Variants in CAPN7 observed in about 807,000 individuals in gnomAD.
CAPN7 encodes calpain 7.
A neutral mutation model predicts 115.2 loss-of-function variants in CAPN7; 72 were observed. The observed-to-expected ratio is 0.63, with a 90% confidence interval of 0.52 to 0.76. The LOEUF (loss-of-function observed/expected upper bound fraction) is 0.76, where lower values mean the gene tolerates loss of function less well. CAPN7 is among the 30% of genes least tolerant of loss of function. CAPN7 has a pLI of 0.00. For missense variants in CAPN7, 905 were observed against 971.5 expected, an observed-to-expected ratio of 0.93 and a Z score of 0.91; for synonymous variants, 344 against 322.3, an observed-to-expected ratio of 1.07 and a Z score of -0.72.
At position 15,217,171 on chromosome 3, in the gene CAPN7, C is replaced by T. The variant is rs941521855; in HGVS notation, c.212-254C>T. Among the ~76,000 whole-genome samples, 14 of 151,236 alleles carry T rather than the reference C, an allele frequency of 9.3e-5. No homozygotes were observed. In the South Asian group the frequency reaches 2.1e-3, roughly 23 times the overall value. On this transcript the variant is annotated intron_variant, in intron 2 of 20. Coordinates refer to ENST00000253693, the MANE Select transcript of CAPN7 (RefSeq NM_014296.3). ...CTGAGGTGGGAGAATCTCTTGAGCC[C>T]GAGGAGGTAGAGGCTGCAGTCAGCT...
chr3:15,234,894 C>G, intron 11 of CAPN7, 131 bp from the exon 12 acceptor site: 1 of 607,220 alleles, frequency 1.6e-6, no homozygotes, highest in Non-Finnish European at 2.7e-6. Context: ...AAATGTACTT[C>G]TTTTTGAAAA....
intron 11 of CAPN7, 71 bp downstream of exon 11, chr3:15,234,044 G>C: frequency 1.2e-6 from 1 of 831,102 alleles, no homozygotes; most frequent in South Asian, 1.5e-5. Context: ...GGCTGGGCGT[G>C]GTGGGTCATG....
rs745904353 is a variant in CAPN7, at chr3:15,206,603, G to T, written c.102+6G>T. On this transcript the variant is annotated splice_donor_region_variant and intron_variant, in intron 1 of 20. Coordinates refer to ENST00000253693, the MANE Select transcript of CAPN7 (RefSeq NM_014296.3). The stretch of plus-strand genomic sequence containing the variant: ...AGGCGGTGTTTTATTACAAGGTAGG[G>T]CCGGGCCCGGCGCTTCGGTCGGAGT... The T allele has an allele frequency of 6.5e-7, 1 of 1,540,188 alleles. No homozygotes were observed. Among genetic ancestry groups the T allele is most frequent in the Admixed American group, 2.0e-5 (1 of 50,496 alleles).
intron 19 of CAPN7, 119 bp downstream of exon 19, chr3:15,247,576 T>A: frequency 1.4e-6 from 1 of 710,412 alleles, no homozygotes; most frequent in Non-Finnish European, 2.2e-6. Context: ...AACAATGGCA[T>A]TATAGTGGAG....
At chr3:15,243,537 T>C (rs552683960) in intron 16 of CAPN7, among the ~76,000 whole-genome samples, 1 of 152,238 alleles carries the variant, frequency 6.6e-6, no homozygotes, top group African/African-American at 2.4e-5. Context: ...CCTTGGACTC[T>C]CAGACACCTT....
chr3:15,231,710 A>G (rs1472193450), intron 9 of CAPN7, among the ~76,000 whole-genome samples: 1 of 151,966 alleles, frequency 6.6e-6, no homozygotes, highest in Non-Finnish European at 1.5e-5. Context: ...TTGTATTTTT[A>G]GTGGAGACAG....
chr3:15,249,795 C>T (rs1474695577), intron 19 of CAPN7, among the ~76,000 whole-genome samples: 5 of 149,716 alleles, frequency 3.3e-5, no homozygotes, highest in Non-Finnish European at 7.4e-5. Flanking sequence ...GAGACAGAGT[C>T]TTGCTCTGTC....
chr3:15,220,960 C>T lies in CAPN7; in HGVS notation c.617C>T (p.Ala206Val). The T allele has an allele frequency of 6.2e-7, 1 of 1,613,622 alleles. No homozygotes were observed. The highest frequency in any genetic ancestry group is 8.5e-7 in the Non-Finnish European group (1 of 1,179,618). Residue 206 changes from alanine to valine, a missense_variant, in exon 5 of 21, where the codon GCA becomes GTA. Coordinates refer to ENST00000253693, the MANE Select transcript of CAPN7 (RefSeq NM_014296.3). ...GATGCACAAGGACAGAGATACACAG[C>T]AGAAGAAATAGAAGTACTCAGGTAA... ...SCDAQGQRYTAEEIEVLRTTS... is the reference protein window; with the variant it reads ...SCDAQGQRYTVEEIEVLRTTS...
intron 9 of CAPN7, among the ~76,000 whole-genome samples, chr3:15,230,890 A>G (rs1268101607): frequency 1.3e-5 from 2 of 152,224 alleles, no homozygotes; most frequent in Non-Finnish European, 2.9e-5. Flanking sequence ...AAGAGTGTAT[A>G]TGTAGTCATA....
intron 2 of CAPN7, among the ~76,000 whole-genome samples, chr3:15,216,510 A>G (rs1693607245): frequency 6.6e-6 from 1 of 152,162 alleles, no homozygotes. Flanking sequence ...AGATCTTTAT[A>G]TATTCTGGAT....
chr3:15,220,410 A>G (rs950033533), intron 4 of CAPN7, among the ~76,000 whole-genome samples: 1 of 152,170 alleles, frequency 6.6e-6, no homozygotes, highest in Non-Finnish European at 1.5e-5. Context: ...TCTGTTGTAC[A>G]TTCATTTGCA....
chr3:15,238,398 GC>G (rs1227688213), intron 12 of CAPN7, among the ~76,000 whole-genome samples: 3 of 151,886 alleles, frequency 2.0e-5, no homozygotes, highest in Non-Finnish European at 2.9e-5. Flanking sequence ...ACAGGCGTGA[GC>G]CCCCACGCCT....
At chr3:15,224,592 A>G (rs944769956) in intron 6 of CAPN7, among the ~76,000 whole-genome samples, 8 of 148,424 alleles carry the variant, frequency 5.4e-5, no homozygotes, top group African/African-American at 2.1e-4. Flanking sequence ...CTTTTCATGT[A>G]TTTATAGATG....
Position 15,252,546 on chromosome 3 carries a change from T to C in CAPN7, c.*1286T>C, listed in dbSNP as rs150351303. 2.6e-3 allele frequency: 398 copies of C among 152,206 alleles called. 4 individuals are homozygous for C. Among genetic ancestry groups the C allele is most frequent in the African/African-American group, 9.1e-3 (378 of 41,528 alleles). 9.4% of individuals were successfully genotyped at this position (152,206 alleles called of 1,614,324 possible). ...TCTGTTACTTTTTAAAAAGAAAAAATCCAGAACATAAGAACTATATTATGA... is the reference window on the plus strand; with the variant it reads ...TCTGTTACTTTTTAAAAAGAAAAAACCCAGAACATAAGAACTATATTATGA... On this transcript the variant is annotated 3_prime_UTR_variant, in exon 21 of 21. Transcript: ENST00000253693.
At position 15,229,928 on chromosome 3, in the gene CAPN7, A is replaced by G. The variant is rs573921927; in HGVS notation, c.939-514A>G. 2.0e-5 allele frequency among the ~76,000 whole-genome samples: 3 copies of G among 152,234 alleles called. No individual in the cohort carries two copies. In the East Asian group the frequency reaches 5.8e-4, roughly 29 times the overall value. On this transcript the variant is annotated intron_variant, in intron 8 of 20. Transcript: ENST00000253693. The stretch of plus-strand genomic sequence containing the variant: ...CGGTTTTTGTGTGTTAAGTCCTAAG[A>G]GTATAAAGATGAATTAGACGCAGTC...
Position 15,206,272 on chromosome 3 carries a change from G to C in CAPN7, c.-224G>C. ...AGGGCCGCTGGGGCCGCGAAGTGGGGCGGCCGGGTGGGCTACAAGCCGGGT... is the reference window on the plus strand; with the variant it reads ...AGGGCCGCTGGGGCCGCGAAGTGGGCCGGCCGGGTGGGCTACAAGCCGGGT... On this transcript the variant is annotated 5_prime_UTR_variant, in exon 1 of 21. Transcript: ENST00000253693. The C allele has an allele frequency of 2.4e-6, 1 of 418,876 alleles. No individual in the cohort carries two copies. The highest frequency in any genetic ancestry group is 3.7e-5 in the South Asian group (1 of 27,110). 25.9% of individuals were successfully genotyped at this position (418,876 alleles called of 1,614,324 possible).
Position 15,243,964 on chromosome 3 carries a change from T to C in CAPN7, c.1865-1562T>C, listed in dbSNP as rs146641274. ...AATAAAAATTAAAGGGAAGAAACTA[T>C]TGGACTTAGCATCGTGGCAGTCAGT... On this transcript the variant is annotated intron_variant, in intron 16 of 20. Coordinates refer to ENST00000253693, the MANE Select transcript of CAPN7 (RefSeq NM_014296.3). Among the ~76,000 whole-genome samples, 225 of 152,312 alleles carry C rather than the reference T, an allele frequency of 1.5e-3. 2 individuals carry two copies. The highest frequency in any genetic ancestry group is 5.1e-3 in the African/African-American group (212 of 41,566).
At chr3:15,241,324 CA>C in intron 14 of CAPN7, 128 bp from the exon 15 acceptor site, 25 of 852,768 alleles carry the variant, frequency 2.9e-5, no homozygotes, top group Admixed American at 5.3e-5. Flanking sequence ...CTAGTTATGC[CA>C]AAAAAATTTA....
chr3:15,219,680 A>G (rs1010056520), intron 4 of CAPN7, among the ~76,000 whole-genome samples: 1 of 152,154 alleles, frequency 6.6e-6, no homozygotes, highest in Admixed American at 6.5e-5. Flanking sequence ...TGTACATGAA[A>G]TTTTTTTGCA....
Sources: gnomAD v4.1 joint callset for allele counts (sites outside exome capture counted in the v4.1 genomes callset) on GRCh38, gnomAD v4.1.1 for gene constraint, MANE v1.5 for transcripts, NCBI Gene and HGNC (gene_info 2026-07-23, HGNC 2026-07-21) for gene names.